Variants in DGKB observed in about 807,000 individuals in gnomAD.
The protein encoded by DGKB is diacylglycerol kinase beta.
Under a neutral mutation model 114.3 loss-of-function variants are expected in DGKB, and 67 were observed. That is an observed-to-expected ratio of 0.59 (90% CI 0.48 to 0.72). The LOEUF (loss-of-function observed/expected upper bound fraction) is 0.72. DGKB is among the 30% of genes least tolerant of loss of function. DGKB has a pLI of 0.00. For synonymous variants in DGKB, 398 were observed against 323.1 expected (o/e 1.23, Z -2.49); for missense variants, 907 against 975.2 (o/e 0.93, Z 0.93).
chr7:14,177,037 C>A, intron 24 of DGKB, 138 bp from the exon 25 acceptor site: 1 of 859,382 alleles, frequency 1.2e-6, no homozygotes, highest in Non-Finnish European at 1.8e-6. Flanking sequence ...ATGAAAGGAG[C>A]TTCAACTCTC....
intron 23 of DGKB, among the ~76,000 whole-genome samples, chr7:14,215,686 A>G (rs1788837004): frequency 6.6e-6 from 1 of 152,078 alleles, no homozygotes; most frequent in East Asian, 1.9e-4. Flanking sequence ...AAATTAATTC[A>G]TGGTTGAGGT....
At chr7:14,172,347 G>A (rs958193971) in intron 25 of DGKB, among the ~76,000 whole-genome samples, 1 of 152,064 alleles carries the variant, frequency 6.6e-6, no homozygotes, top group Non-Finnish European at 1.5e-5. Flanking sequence ...GACTTAATTG[G>A]AACAAAAATT....
At chr7:14,629,166 C>T (rs1458700091) in intron 14 of DGKB, among the ~76,000 whole-genome samples, 1 of 151,868 alleles carries the variant, frequency 6.6e-6, no homozygotes, top group African/African-American at 2.4e-5. Flanking sequence ...CTTAAATAAC[C>T]CAATGAAATA....
intron 18 of DGKB, among the ~76,000 whole-genome samples, chr7:14,582,315 T>G (rs1244538128): frequency 6.6e-6 from 1 of 152,282 alleles, no homozygotes; most frequent in South Asian, 2.1e-4. Flanking sequence ...AAGCAAATAA[T>G]TTTCCTGAAT....
intron 23 of DGKB, among the ~76,000 whole-genome samples, chr7:14,245,357 T>C (rs1220318116): frequency 6.6e-5 from 10 of 152,090 alleles, no homozygotes; most frequent in Non-Finnish European, 1.5e-4. Flanking sequence ...TAAACAAAAA[T>C]ACAGAAAGCA....
intron 7 of DGKB, among the ~76,000 whole-genome samples, chr7:14,698,658 G>C (rs777642964): frequency 6.6e-6 from 1 of 152,002 alleles, no homozygotes; most frequent in African/African-American, 2.4e-5. Context: ...GAGTGTTCAG[G>C]GCCAAGGTTT....
At chr7:14,169,345 A>G (rs551124791) in intron 25 of DGKB, among the ~76,000 whole-genome samples, 2 of 149,226 alleles carry the variant, frequency 1.3e-5, no homozygotes, top group African/African-American at 4.9e-5. Flanking sequence ...AGCCTGGGCA[A>G]CAGAGCGAGA....
chr7:14,924,854 C>T (rs561037362), intron 1 of DGKB, among the ~76,000 whole-genome samples: 1 of 152,234 alleles, frequency 6.6e-6, no homozygotes, highest in South Asian at 2.1e-4. Context: ...AATTTTATTA[C>T]ATTTATATAT....
chr7:14,669,077 A>T (rs144345161), intron 13 of DGKB, among the ~76,000 whole-genome samples: 1 of 152,166 alleles, frequency 6.6e-6, no homozygotes, highest in Non-Finnish European at 1.5e-5. Flanking sequence ...TTCCTAGGTG[A>T]CACAGGCTTC....
In DGKB at chr7:14,219,745, G is replaced by A. The variant is rs527567306; in HGVS notation, c.2123-41594C>T. On this transcript the variant is annotated intron_variant, in intron 23 of 25. Coordinates refer to ENST00000402815, the MANE Select transcript of DGKB (RefSeq NM_001350709.2). Reference sequence around the variant, plus strand: ...GTGTTGTCTTTTCACTTTCTTGATAGAGTCCTTTGAAATGCAAGTTTTAAA... The same window carrying A: ...GTGTTGTCTTTTCACTTTCTTGATAAAGTCCTTTGAAATGCAAGTTTTAAA... 2.6e-5 allele frequency among the ~76,000 whole-genome samples: 4 copies of A among 151,522 alleles called. No homozygotes were observed. The East Asian group carries it at 7.8e-4, about 29-fold the overall frequency.
intron 6 of DGKB, among the ~76,000 whole-genome samples, chr7:14,704,274 A>G (rs1234015392): frequency 8.8e-6 from 1 of 114,160 alleles, no homozygotes; most frequent in Non-Finnish European, 1.7e-5. Flanking sequence ...TCTCTACTAA[A>G]AATACAAAAA....
In DGKB at chr7:14,334,393, TGTGC is replaced by T. The variant is rs754031721; in HGVS notation, c.2122+4118_2122+4121del. Among the ~76,000 whole-genome samples, 202 of 127,544 alleles carry T rather than the reference TGTGC, an allele frequency of 1.6e-3. 1 individual carries two copies. The highest frequency in any genetic ancestry group is 3.5e-3 in the South Asian group (13 of 3,766). 83.7% of individuals were successfully genotyped at this position (127,544 alleles called of 152,430 possible). A position where few individuals can be genotyped will look rare whatever the true frequency, so the allele number is the denominator to read the frequency against. The stretch of plus-strand genomic sequence containing the variant: ...GTGTGTGTGTGTGTGTGTGTGTGTG[TGTGC>T]GCGCGCGTGTATGTGGGTATGTATA... On this transcript the variant is annotated intron_variant, in intron 23 of 25. Transcript: ENST00000402815.
chr7:14,232,399 C>A (rs1372049041), intron 23 of DGKB, among the ~76,000 whole-genome samples: 1 of 150,328 alleles, frequency 6.7e-6, no homozygotes, highest in Non-Finnish European at 1.5e-5. Context: ...AATTTAATCT[C>A]TTCAGGGGTT....
intron 25 of DGKB, among the ~76,000 whole-genome samples, chr7:14,163,314 A>C (rs1347611634): frequency 6.6e-6 from 1 of 152,166 alleles, no homozygotes; most frequent in East Asian, 1.9e-4. Flanking sequence ...GCCAGAAAGC[A>C]TACAAGCAGT....
At chr7:14,564,662 TG>T (rs1485682895) in intron 20 of DGKB, among the ~76,000 whole-genome samples, 1 of 152,206 alleles carries the variant, frequency 6.6e-6, no homozygotes, top group Non-Finnish European at 1.5e-5. Context: ...TCTTTATAGA[TG>T]CATCTTCACT....
In DGKB at chr7:14,352,582, A is replaced by G. The variant is rs536265523; in HGVS notation, c.1836-7191T>C. On this transcript the variant is annotated intron_variant, in intron 21 of 25. Transcript: ENST00000402815. ...TTTGAAACGTAAAATGAAACATGTA[A>G]AATGTTTAAACAATAACCAATCATG... Among the ~76,000 whole-genome samples the G allele has an allele frequency of 7.4e-4, 112 of 152,310 alleles. 2 individuals are homozygous for G. The South Asian group carries it at 0.017, about 23-fold the overall frequency.
At chr7:14,503,125 T>C (rs1429600597) in intron 20 of DGKB, among the ~76,000 whole-genome samples, 3 of 152,154 alleles carry the variant, frequency 2.0e-5, no homozygotes, top group Admixed American at 6.6e-5. Flanking sequence ...CTACCATTTT[T>C]TGTTGCTCAA....
At chr7:14,627,430 C>A (rs1262583814) in intron 14 of DGKB, among the ~76,000 whole-genome samples, 1 of 152,006 alleles carries the variant, frequency 6.6e-6, no homozygotes, top group Non-Finnish European at 1.5e-5. Context: ...ATGATTTTAT[C>A]CTGGGTATAA....
At chr7:14,682,952 C>T (rs559755202) in intron 10 of DGKB, 111 bp from the exon 11 acceptor site, 18 of 720,702 alleles carry the variant, frequency 2.5e-5, no homozygotes, top group Non-Finnish European at 4.1e-5. Context: ...GCTCCCTAAT[C>T]AATCCAATCA....
Sources: allele counts gnomAD v4.1 joint callset (sites outside exome capture counted in the v4.1 genomes callset), GRCh38; gene constraint gnomAD v4.1.1; transcripts MANE v1.5; gene names NCBI Gene and HGNC (gene_info 2026-07-23, HGNC 2026-07-21).